Variants in ABR observed in about 807,000 individuals in gnomAD.
The protein encoded by ABR is active breakpoint cluster region-related protein.
ABR carries 35 observed loss-of-function variants against 107.2 expected under a neutral mutation model. The ratio of observed to expected loss-of-function variants is 0.33; its 90% CI spans 0.25 to 0.43. The LOEUF is 0.43. ABR is among the 20% of genes least tolerant of loss of function. ABR has a pLI of 1.00. For synonymous variants in ABR, 498 were observed against 462.0 expected (o/e 1.08, Z -1.00); for missense variants, 815 against 1,115.2 (o/e 0.73, Z 3.83).
rs749775499 is a variant in ABR, at chr17:1,011,885, C to T, written c.2062G>A (p.Ala688Thr). 6 of 1,601,140 alleles carry T rather than the reference C, an allele frequency of 3.7e-6. No individual in the cohort carries two copies. The highest frequency in any genetic ancestry group is 5.1e-6 in the Non-Finnish European group (6 of 1,170,552). The change falls in exon 19 of 23, where the codon GCC (alanine) becomes ACC (threonine). Residue 688 changes from alanine (A) to threonine (T), a missense_variant. Coordinates refer to ENST00000302538, the MANE Select transcript of ABR (RefSeq NM_021962.5). The surrounding 1 kb of genome is among the most constrained non-coding windows in gnomAD (Gnocchi z 4.8). ...EVGIYRISGV[A>T]TDIQALKAVF... ...GCCTTGAGCGCCTGGATGTCCGTGGCCACGCCCGATATCCTGTAGATGCCA... is the reference window on the plus strand; with the variant it reads ...GCCTTGAGCGCCTGGATGTCCGTGGTCACGCCCGATATCCTGTAGATGCCA...
intron 2 of ABR, among the ~76,000 whole-genome samples, chr17:1,108,701 C>T (rs1405539757): frequency 1.3e-5 from 2 of 152,178 alleles, no homozygotes; most frequent in Non-Finnish European, 2.9e-5. Context: ...GGCACAGCCG[C>T]CGGAGCCCTG....
intron 1 of ABR, among the ~76,000 whole-genome samples, chr17:1,168,219 G>T (rs2041587877): frequency 6.6e-6 from 1 of 152,206 alleles, no homozygotes; most frequent in Non-Finnish European, 1.5e-5. Context: ...CCGGGAGGTG[G>T]AAGTTGCAGT....
rs537199930 is a variant in ABR, at chr17:1,005,884, G to GTGAGGC, written c.*190_*195dup. The GTGAGGC allele has an allele frequency of 4.3e-4, 264 of 613,916 alleles. No homozygotes were observed. The African/African-American group carries it at 4.3e-3, about 10-fold the overall frequency. The allele number at this position is 613,916 out of a possible 1,614,324, so 38.0% of individuals were successfully genotyped here. A position where few individuals can be genotyped will look rare whatever the true frequency, so the allele number is the denominator to read the frequency against. ...GGAGGGCAGGAGGTGGGATGCGGTG[G>GTGAGGC]TGAGGCTGGGGCTGGGCAGCCGGCT... On this transcript the variant is annotated 3_prime_UTR_variant, in exon 23 of 23. Coordinates refer to ENST00000302538, the MANE Select transcript of ABR (RefSeq NM_021962.5).
chr17:1,070,256 G>C lies in ABR; in HGVS notation c.895-166C>G, dbSNP rs1171800736. Among the ~76,000 whole-genome samples, 2 of 152,070 alleles carry C rather than the reference G, an allele frequency of 1.3e-5. No homozygotes were observed. Among genetic ancestry groups the C allele is most frequent in the Middle Eastern group, 6.3e-3 (2 of 316 alleles). ...AAGCACTGCCTTTGGAGTCACATGG[G>C]CATGGGTTTGAATGCCAACAGGCTT... is the stretch of plus-strand genomic sequence containing the variant. On this transcript the variant is annotated intron_variant, in intron 8 of 22. Transcript: ENST00000302538. This position sits in a 1 kb window ranked among gnomAD's most constrained non-coding sequence, Gnocchi z 4.2.
At chr17:1,031,037 G>T (rs1161331023) in intron 16 of ABR, among the ~76,000 whole-genome samples, 1 of 152,206 alleles carries the variant, frequency 6.6e-6, no homozygotes, top group Non-Finnish European at 1.5e-5. Flanking sequence ...CCGGCGGTCT[G>T]CCCTGGCACA....
intron 10 of ABR, among the ~76,000 whole-genome samples, chr17:1,059,361 T>G (rs1597600877): frequency 6.6e-6 from 1 of 152,240 alleles, no homozygotes; most frequent in Non-Finnish European, 1.5e-5. Context: ...CCTCTCCACG[T>G]GGCCCTGGGC....
In ABR at chr17:1,050,029, G is replaced by A. The variant is rs78108823; in HGVS notation, c.1791+21C>T. On this transcript the variant is annotated intron_variant, in intron 16 of 22. Transcript: ENST00000302538. The surrounding 1 kb of genome is among the most constrained non-coding windows in gnomAD (Gnocchi z 4.6). ...ACCTCCTGGAGGCTCCCTCAGCCTC[G>A]CCCCGGCGCCCTGGCCTCACCTGGA... is the stretch of plus-strand genomic sequence containing the variant. 2.1e-3 allele frequency: 3,395 copies of A among 1,606,750 alleles called. 73 individuals carry two copies. In the African/African-American group the frequency reaches 0.039, roughly 18 times the overall value.
intron 16 of ABR, among the ~76,000 whole-genome samples, chr17:1,029,206 C>A (rs1253971055): frequency 1.3e-5 from 2 of 152,010 alleles, no homozygotes; most frequent in African/African-American, 4.8e-5. Context: ...CCACGTGTCT[C>A]CCAGCTAAAC....
chr17:1,206,183 TTGAGGCTGCAG>T (rs2042785084), intron 1 of ABR, among the ~76,000 whole-genome samples: 1 of 152,000 alleles, frequency 6.6e-6, no homozygotes, highest in South Asian at 2.1e-4. Context: ...GCCAGAGAGG[TTGAGGCTGCAG>T]TGAGCTCTCA....
chr17:1,161,703 T>C (rs142220990), intron 1 of ABR, among the ~76,000 whole-genome samples: 2,016 of 152,168 alleles, frequency 0.013, 36 homozygotes, highest in African/African-American at 0.045. Flanking sequence ...TACAGGCGTG[T>C]ACCACCACAC....
At chr17:1,009,849 C>T (rs1218919015) in intron 20 of ABR, 65 bp from the exon 21 acceptor site, 19 of 1,446,844 alleles carry the variant, frequency 1.3e-5, no homozygotes, top group Admixed American at 3.4e-5. Context: ...CCCCTGTGGT[C>T]GTGAGGCTGT....
intron 16 of ABR, among the ~76,000 whole-genome samples, chr17:1,040,554 A>G (rs2030225697): frequency 6.6e-6 from 1 of 152,182 alleles, no homozygotes; most frequent in African/African-American, 2.4e-5. Context: ...TTAAGAAAAT[A>G]ATGCTGCCTC....
At chr17:1,089,569 A>G (rs1185824230) in intron 4 of ABR, among the ~76,000 whole-genome samples, 1 of 152,152 alleles carries the variant, frequency 6.6e-6, no homozygotes, top group Non-Finnish European at 1.5e-5. Context: ...GTCTCCCTCC[A>G]TGCCCTTCCG....
At chr17:1,023,119 A>AGCGCCTCTGCCGGCCCCACGTCCACTC (rs1167753663) in intron 16 of ABR, among the ~76,000 whole-genome samples, 2 of 98,984 alleles carry the variant, frequency 2.0e-5, no homozygotes, top group Admixed American at 1.9e-4. Flanking sequence ...CACGTCCACT[A>AGCGCCTCTGCCGGCCCCACGTCCACTC]CAGCGCCTCT....
At chr17:1,193,282 A>G (rs2042476759) in intron 1 of ABR, among the ~76,000 whole-genome samples, 1 of 127,412 alleles carries the variant, frequency 7.8e-6, no homozygotes. Context: ...CTCCCCCTCA[A>G]TACCCACAAG....
At chr17:1,124,175 G>T (rs973680302) in intron 2 of ABR, among the ~76,000 whole-genome samples, 1 of 152,142 alleles carries the variant, frequency 6.6e-6, no homozygotes, top group Non-Finnish European at 1.5e-5. Context: ...AGGGTGGCCG[G>T]GGGGGCTGGA....
At chr17:1,149,636 C>T (rs1034489244) in intron 1 of ABR, among the ~76,000 whole-genome samples, 14 of 152,058 alleles carry the variant, frequency 9.2e-5, no homozygotes, top group African/African-American at 3.1e-4. Flanking sequence ...CAGCTGGTCT[C>T]GAACTCCTGA....
At position 1,011,793 on chromosome 17, in the gene ABR, C is replaced by G; in HGVS notation, c.2101+53G>C. 3 of 1,524,666 alleles carry G rather than the reference C, an allele frequency of 2.0e-6. No homozygotes were observed. Among genetic ancestry groups the G allele is most frequent in the Non-Finnish European group, 2.7e-6 (3 of 1,131,322 alleles). 94.4% of individuals were successfully genotyped at this position (1,524,666 alleles called of 1,614,324 possible). A position where few individuals can be genotyped will look rare whatever the true frequency, so the allele number is the denominator to read the frequency against. On this transcript the variant is annotated intron_variant, in intron 19 of 22. Coordinates refer to ENST00000302538, the MANE Select transcript of ABR (RefSeq NM_021962.5). This position sits in a 1 kb window ranked among gnomAD's most constrained non-coding sequence, Gnocchi z 4.8. ...CCCCCGAGCTCTCCTGTCCATCCCACCAGCCTGCTCAGACACAGCCACACC... is the reference window on the plus strand; with the variant it reads ...CCCCCGAGCTCTCCTGTCCATCCCAGCAGCCTGCTCAGACACAGCCACACC...
upstream of ABR, chr17:1,181,899 T>C (rs1379935280): frequency 1.3e-5 from 2 of 152,260 alleles, no homozygotes; most frequent in African/African-American, 2.4e-5. Context: ...CGGCGCTGAC[T>C]GTGAGGGAGC....
Sources: allele counts gnomAD v4.1 joint callset (sites outside exome capture counted in the v4.1 genomes callset), GRCh38; gene constraint gnomAD v4.1.1; non-coding constraint Gnocchi (gnomAD v3.1); transcripts MANE v1.5; gene names NCBI Gene and HGNC (gene_info 2026-07-23, HGNC 2026-07-21).